The following ICE2 variants were observed in gnomAD, a reference collection of about 807,000 sequenced individuals.
ICE2 encodes interactor of little elongation complex ELL subunit 2.
A neutral mutation model predicts 105.4 loss-of-function variants in ICE2; 87 were observed. The observed-to-expected ratio is 0.83, with a 90% CI of 0.69 to 0.99. The LOEUF (loss-of-function observed/expected upper bound fraction) is 0.99, where lower values mean the gene tolerates loss of function less well. ICE2 is among the 50% of genes least tolerant of loss of function. The pLI, the probability that ICE2 is intolerant of heterozygous loss-of-function variation, is 0.00. For synonymous variants in ICE2, 399 were observed against 392.0 expected (o/e 1.02, Z -0.21); for missense variants, 1,323 against 1,146.7 (o/e 1.15, Z -2.22).
At chr15:60,466,261 A>G (rs1269129741) in intron 5 of ICE2, among the ~76,000 whole-genome samples, 2 of 152,236 alleles carry the variant, frequency 1.3e-5, no homozygotes, top group African/African-American at 4.8e-5. Flanking sequence ...AAGGCCATTC[A>G]GACTTTTAGG....
At chr15:60,439,742 C>G (rs138698590) in intron 12 of ICE2, 4 of 152,322 alleles carry the variant, frequency 2.6e-5, no homozygotes, top group East Asian at 3.9e-4. Flanking sequence ...GCTTCTGACA[C>G]TGTATCCTTG....
At chr15:60,427,659 C>T (rs2063366061) in intron 15 of ICE2, among the ~76,000 whole-genome samples, 1 of 152,172 alleles carries the variant, frequency 6.6e-6, no homozygotes, top group Admixed American at 6.5e-5. Flanking sequence ...TCAAATGATC[C>T]ACCCGCCTTG....
In ICE2 at chr15:60,448,869, CAGA is replaced by C. The variant is rs1026059925; in HGVS notation, c.2095_2097del (p.Ser699del). The C allele has an allele frequency of 1.9e-6, 3 of 1,592,858 alleles. No individual in the cohort carries two copies. The highest frequency in any genetic ancestry group is 2.6e-6 in the Non-Finnish European group (3 of 1,172,872). ...TTACGTCCTTTTGGCTTCTGAAATG[CAGA>C]AGGCCATCCAGATTTCGGCCAACTA... On this transcript the variant is annotated inframe_deletion, in exon 10 of 16. Transcript: ENST00000261520.
At chr15:60,466,960 T>C (rs949132950) in intron 4 of ICE2, among the ~76,000 whole-genome samples, 2 of 152,230 alleles carry the variant, frequency 1.3e-5, no homozygotes, top group African/African-American at 4.8e-5. Context: ...AAGTTGATTT[T>C]ATAAAATGCT....
intron 5 of ICE2, among the ~76,000 whole-genome samples, chr15:60,459,093 G>A (rs1029128744): frequency 6.6e-6 from 1 of 152,122 alleles, no homozygotes; most frequent in Non-Finnish European, 1.5e-5. Context: ...CACTTAAATG[G>A]TGAAAACGGT....
At chr15:60,468,508 G>A (rs748368110) in intron 3 of ICE2, among the ~76,000 whole-genome samples, 186 bp from the exon 4 acceptor site, 5 of 152,168 alleles carry the variant, frequency 3.3e-5, no homozygotes, top group Non-Finnish European at 5.9e-5. Context: ...GTATTCTGTG[G>A]CATATGATCA....
At chr15:60,440,157 C>T (rs569972749) in intron 12 of ICE2, 2 of 152,328 alleles carry the variant, frequency 1.3e-5, no homozygotes, top group South Asian at 4.1e-4. Flanking sequence ...AAAGAAGTGA[C>T]ATGACTGGTC....
chr15:60,461,119 G>C (rs752565060), intron 5 of ICE2, among the ~76,000 whole-genome samples: 10 of 152,166 alleles, frequency 6.6e-5, no homozygotes, highest in Non-Finnish European at 1.3e-4. Context: ...GGGGGGGCGA[G>C]TCAGGAAGGA....
chr15:60,423,649 T>C lies in ICE2; in HGVS notation c.2934A>G (p.Lys978=). The C allele has an allele frequency of 1.2e-6, 2 of 1,609,042 alleles. No individual in the cohort carries two copies. Among genetic ancestry groups the C allele is most frequent in the Non-Finnish European group, 1.7e-6 (2 of 1,178,736 alleles). ...QVETEGVAPH[K]RKIT ...GGTACAGTCCTCAAGTTATTTTTCT[T>C]TTATGTGGAGCCACTCCTTCAGTTT... Residue 978 remains lysine (K), a synonymous_variant, in exon 16 of 16, where the codon AAA becomes AAG. Coordinates refer to ENST00000261520, the MANE Select transcript of ICE2 (RefSeq NM_024611.6).
In ICE2 at chr15:60,436,145, G is replaced by A; in HGVS notation, c.2508C>T (p.Leu836=). The change falls in exon 13 of 16, where the codon CTC becomes CTT. Residue 836 remains leucine (L), a splice_region_variant and synonymous_variant. Transcript: ENST00000261520. ...SEELKEKLSA[L]KISNLFNILQ... ...CACCACAAAGTAAACTTTCTTACTT[G>A]AGTGCTGAAAGCTTTTCTTTTAATT... is the stretch of plus-strand genomic sequence containing the variant. The A allele has an allele frequency of 1.5e-6, 2 of 1,370,524 alleles. No individual in the cohort carries two copies. Among genetic ancestry groups the A allele is most frequent in the East Asian group, 2.5e-5 (1 of 39,522 alleles). 84.9% of individuals were successfully genotyped at this position (1,370,524 alleles called of 1,614,324 possible). A position where few individuals can be genotyped will look rare whatever the true frequency, so the allele number is the denominator to read the frequency against.
chr15:60,445,455 TAA>T (rs964926175), intron 11 of ICE2: 1 of 457,446 alleles, frequency 2.2e-6, no homozygotes, highest in Admixed American at 6.4e-5. Context: ...TACATTTTAC[TAA>T]GAGATTTAAA....
In ICE2 at chr15:60,443,428, A is replaced by C. The variant is rs79208128; in HGVS notation, c.2296-883T>G. 1.3e-3 allele frequency among the ~76,000 whole-genome samples: 194 copies of C among 152,342 alleles called. 2 individuals are homozygous for C. In the East Asian group the frequency reaches 0.029, roughly 23 times the overall value. On this transcript the variant is annotated intron_variant, in intron 11 of 15. Coordinates refer to ENST00000261520, the MANE Select transcript of ICE2 (RefSeq NM_024611.6). Reference sequence around the variant, plus strand: ...TATTTCTTAATTCTTGATTTTTACAAAGTGGCAAAGAGTGGGCTTGGTACA... The same window carrying C: ...TATTTCTTAATTCTTGATTTTTACACAGTGGCAAAGAGTGGGCTTGGTACA...
At chr15:60,476,330 G>A (rs1331174445) in intron 2 of ICE2, among the ~76,000 whole-genome samples, 163 bp from the exon 3 acceptor site, 1 of 152,050 alleles carries the variant, frequency 6.6e-6, no homozygotes, top group African/African-American at 2.4e-5. Flanking sequence ...AGATCTGTGG[G>A]CTTAGAAGTG....
At chr15:60,474,089 G>T (rs557470245) in intron 3 of ICE2, among the ~76,000 whole-genome samples, 7 of 151,912 alleles carry the variant, frequency 4.6e-5, no homozygotes, top group Admixed American at 3.3e-4. Flanking sequence ...TGGAGAGACG[G>T]GGTCTCAATT....
chr15:60,432,281 G>A (rs1352224865), intron 13 of ICE2, among the ~76,000 whole-genome samples: 3 of 146,268 alleles, frequency 2.1e-5, no homozygotes, highest in Non-Finnish European at 3.0e-5. Flanking sequence ...TCCACCTCCC[G>A]GATTCAAGTG....
At chr15:60,436,720 C>T (rs369442732) in intron 12 of ICE2, among the ~76,000 whole-genome samples, 1 of 87,998 alleles carries the variant, frequency 1.1e-5, no homozygotes, top group Non-Finnish European at 2.2e-5. Flanking sequence ...GACTCTGTCT[C>T]AAAAAAAAAA....
At chr15:60,432,040 A>G in intron 13 of ICE2, 56 bp from the exon 14 acceptor site, 1 of 908,386 alleles carries the variant, frequency 1.1e-6, no homozygotes, top group Non-Finnish European at 1.8e-6. Context: ...TACTTTTAGC[A>G]ATTATAGCTC....
At chr15:60,464,173 A>G (rs781388605) in intron 5 of ICE2, among the ~76,000 whole-genome samples, 2 of 152,194 alleles carry the variant, frequency 1.3e-5, no homozygotes, top group Non-Finnish European at 2.9e-5. Flanking sequence ...GTGCTGCCAC[A>G]TCAATATGGA....
intron 15 of ICE2, among the ~76,000 whole-genome samples, 175 bp from the exon 16 acceptor site, chr15:60,423,937 G>A (rs576565431): frequency 6.6e-6 from 1 of 152,338 alleles, no homozygotes; most frequent in African/African-American, 2.4e-5. Flanking sequence ...ACATTTTTAA[G>A]TACTAAACTT....
Sources: allele counts gnomAD v4.1 joint callset (sites outside exome capture counted in the v4.1 genomes callset), GRCh38; gene constraint gnomAD v4.1.1; transcripts MANE v1.5; gene names NCBI Gene and HGNC (gene_info 2026-07-23, HGNC 2026-07-21).